CACHD1: variants seen among roughly 807,000 people sequenced by gnomAD.
CACHD1 encodes cache domain containing 1, also known as VWFA and cache domain-containing protein 1.
CACHD1 carries 71 observed loss-of-function variants against 138.7 expected under a neutral mutation model. The observed-to-expected ratio is 0.51, with a 90% CI of 0.42 to 0.62. CACHD1 has a LOEUF of 0.62. Among genes scored for constraint, CACHD1 ranks in the 20% least tolerant of loss-of-function variants. CACHD1 has a pLI of 0.00. For synonymous variants in CACHD1, 578 were observed against 591.5 expected, an observed-to-expected ratio of 0.98 and a Z score of 0.33; for missense variants, 1,389 against 1,625.3, an observed-to-expected ratio of 0.85 and a Z score of 2.50.
chr1:64,509,983 A>G (rs1387379849), intron 1 of CACHD1, among the ~76,000 whole-genome samples: 1 of 152,248 alleles, frequency 6.6e-6, no homozygotes, highest in African/African-American at 2.4e-5. Flanking sequence ...CCACATACAT[A>G]CATTTCACAT....
chr1:64,532,580 A>G (rs1333950615), intron 1 of CACHD1, among the ~76,000 whole-genome samples: 6 of 152,154 alleles, frequency 3.9e-5, no homozygotes, highest in Non-Finnish European at 8.8e-5. Flanking sequence ...TTGAGTGGCA[A>G]ACTGGAGGCC....
At position 64,512,393 on chromosome 1, in the gene CACHD1, C is replaced by CAAAAAAAA. The variant is rs551616431; in HGVS notation, c.199-38182_199-38175dup. 1.8e-4 allele frequency among the ~76,000 whole-genome samples: 14 copies of CAAAAAAAA among 78,624 alleles called. 1 individual carries two copies. The highest frequency in any genetic ancestry group is 6.4e-4 in the African/African-American group (10 of 15,556). 51.6% of individuals were successfully genotyped at this position (78,624 alleles called of 152,430 possible). A position where few individuals can be genotyped will look rare whatever the true frequency, so the allele number is the denominator to read the frequency against. ...TCGGTGACACAGTGAGACTGTGTCT[C>CAAAAAAAA]AAAAAAAAAAAAAAAAAAAAAAAAA... is the stretch of plus-strand genomic sequence containing the variant. On this transcript the variant is annotated intron_variant, in intron 1 of 26. Coordinates refer to ENST00000651257, the MANE Select transcript of CACHD1 (RefSeq NM_020925.4).
At chr1:64,636,605 G>T (rs1436050520) in intron 7 of CACHD1, among the ~76,000 whole-genome samples, 1 of 152,148 alleles carries the variant, frequency 6.6e-6, no homozygotes, top group Non-Finnish European at 1.5e-5. Context: ...CCTTGCAACT[G>T]TAAAACTCAT....
Position 64,675,457 on chromosome 1 carries a change from G to T in CACHD1, c.2784G>T (p.Arg928Ser). 6.2e-7 allele frequency: 1 copy of T among 1,613,662 alleles called. No homozygotes were observed. The highest frequency in any genetic ancestry group is 2.2e-5 in the East Asian group (1 of 44,874). ...ACTGTTCCAAATACAGATTAGCAAGGATCCCAGGAACCAACGCGTTTGTTG... is the reference window on the plus strand; with the variant it reads ...ACTGTTCCAAATACAGATTAGCAAGTATCCCAGGAACCAACGCGTTTGTTG... Reference protein sequence around the residue: ...GSHCSKYRLARIPGTNAFVGI... With the variant: ...GSHCSKYRLASIPGTNAFVGI... Residue 928 changes from arginine (R) to serine (S), a missense_variant, in exon 20 of 27, where the codon AGG becomes AGT. Arg to Ser is a moderately radical substitution (Grantham distance 110). Coordinates refer to ENST00000651257, the MANE Select transcript of CACHD1 (RefSeq NM_020925.4).
In CACHD1 at chr1:64,669,021, T is replaced by A. The variant is rs12039471; in HGVS notation, c.2388-2543T>A. Among the ~76,000 whole-genome samples, 1,463 of 152,122 alleles carry A rather than the reference T, an allele frequency of 9.6e-3. 20 individuals carry two copies. The highest frequency in any genetic ancestry group is 0.033 in the African/African-American group (1,367 of 41,468). ...GACTATAAACAAACTCCTTTTCACCTTTGTTTCCCCACTTAGGAAAGTGAG... is the reference window on the plus strand; with the variant it reads ...GACTATAAACAAACTCCTTTTCACCATTGTTTCCCCACTTAGGAAAGTGAG... On this transcript the variant is annotated intron_variant, in intron 16 of 26. Coordinates refer to ENST00000651257, the MANE Select transcript of CACHD1 (RefSeq NM_020925.4).
intron 26 of CACHD1, among the ~76,000 whole-genome samples, chr1:64,683,031 G>GA (rs935031601): frequency 1.8e-4 from 27 of 148,088 alleles, no homozygotes; most frequent in Middle Eastern, 3.2e-3. Context: ...ACCTATCCTG[G>GA]AAAAAAAAAG....
At chr1:64,638,001 G>A (rs1213741425) in intron 7 of CACHD1, among the ~76,000 whole-genome samples, 1 of 152,152 alleles carries the variant, frequency 6.6e-6, no homozygotes, top group African/African-American at 2.4e-5. Flanking sequence ...AAATGGAGGG[G>A]TGATAATATC....
Position 64,553,353 on chromosome 1 carries a change from C to T in CACHD1, c.261+2697C>T, listed in dbSNP as rs150924354. Among the ~76,000 whole-genome samples the T allele has an allele frequency of 1.2e-3, 187 of 152,274 alleles. 1 individual carries two copies. Among genetic ancestry groups the T allele is most frequent in the African/African-American group, 4.2e-3 (173 of 41,552 alleles). ...GCTTAGACATTCTAGACTCTGTGGTCCTGGACAGTACCCAGAATGAAATCT... is the reference window on the plus strand; with the variant it reads ...GCTTAGACATTCTAGACTCTGTGGTTCTGGACAGTACCCAGAATGAAATCT... On this transcript the variant is annotated intron_variant, in intron 2 of 26. Transcript: ENST00000651257.
intron 1 of CACHD1, among the ~76,000 whole-genome samples, chr1:64,511,616 C>G (rs760392008): frequency 5.9e-5 from 9 of 152,224 alleles, no homozygotes; most frequent in Admixed American, 1.3e-4. Flanking sequence ...CCGCTTCCCG[C>G]TACAATGATG....
chr1:64,646,911 GT>G (rs1381490792), intron 8 of CACHD1, among the ~76,000 whole-genome samples: 1 of 152,100 alleles, frequency 6.6e-6, no homozygotes, highest in Non-Finnish European at 1.5e-5. Flanking sequence ...TCATGGTTTG[GT>G]ATTGAAATCT....
chr1:64,650,631 A>G (rs975362323), intron 9 of CACHD1, among the ~76,000 whole-genome samples: 4 of 152,166 alleles, frequency 2.6e-5, no homozygotes, highest in Non-Finnish European at 4.4e-5. Flanking sequence ...TAGTTGGCCT[A>G]TGCAACCATA....
intron 26 of CACHD1, 99 bp downstream of exon 26, chr1:64,682,205 A>G: frequency 1.9e-6 from 2 of 1,040,058 alleles, no homozygotes; most frequent in Admixed American, 1.9e-5. Context: ...CCAAAAAGAC[A>G]CACCCCAGCA....
At chr1:64,482,248 ATT>A (rs1003471953) in intron 1 of CACHD1, among the ~76,000 whole-genome samples, 9 of 150,296 alleles carry the variant, frequency 6.0e-5, no homozygotes, top group South Asian at 2.1e-4. Flanking sequence ...ACTTCATGGG[ATT>A]TTTTTTTTCC....
rs370622869 is a variant in CACHD1 at position 64,664,698 on chromosome 1, C to G, written c.2276+19C>G. ...GACAATGGTGAGTTTTAGGGGCTTC[C>G]GTTATCAAAGGTTCTCCCCCAAATC... On this transcript the variant is annotated intron_variant, in intron 15 of 26. Transcript: ENST00000651257. 3 of 1,608,434 alleles carry G rather than the reference C, an allele frequency of 1.9e-6. No individual in the cohort carries two copies. The highest frequency in any genetic ancestry group is 2.6e-6 in the Non-Finnish European group (3 of 1,176,108).
Position 64,619,741 on chromosome 1 carries a change from G to A in CACHD1, c.518-9614G>A, listed in dbSNP as rs1166356962. Among the ~76,000 whole-genome samples, 7 of 152,178 alleles carry A rather than the reference G, an allele frequency of 4.6e-5. No individual in the cohort carries two copies. In the South Asian group the frequency reaches 1.0e-3, roughly 23 times the overall value. On this transcript the variant is annotated intron_variant, in intron 4 of 26. Coordinates refer to ENST00000651257, the MANE Select transcript of CACHD1 (RefSeq NM_020925.4). ...CCCAAAAGCAGAGGGCGTGATCCCC[G>A]CACTGTGCCTTACACGTAGTCAGGA...
chr1:64,606,208 A>G (rs1647335054), intron 4 of CACHD1, among the ~76,000 whole-genome samples: 1 of 152,096 alleles, frequency 6.6e-6, no homozygotes, highest in Admixed American at 6.6e-5. Context: ...TTAGAAGATG[A>G]TGAATGCTAT....
At chr1:64,684,363 C>A in intron 26 of CACHD1, among the ~76,000 whole-genome samples, 1 of 54,964 alleles carries the variant, frequency 1.8e-5, no homozygotes, top group Non-Finnish European at 3.5e-5. Flanking sequence ...TCTTCTTCTT[C>A]TTTTTTTTTT....
At chr1:64,688,147 C>T (rs1013409312) in intron 26 of CACHD1, among the ~76,000 whole-genome samples, 6 of 151,864 alleles carry the variant, frequency 4.0e-5, no homozygotes, top group Non-Finnish European at 8.8e-5. Context: ...TCTAACACCT[C>T]GAATGCTAAC....
At chr1:64,610,727 G>T (rs1229962607) in intron 4 of CACHD1, among the ~76,000 whole-genome samples, 1 of 152,216 alleles carries the variant, frequency 6.6e-6, no homozygotes, top group Non-Finnish European at 1.5e-5. Context: ...GGTGCACAGT[G>T]CAAGCTGTCA....
Sources: allele counts gnomAD v4.1 joint callset (sites outside exome capture counted in the v4.1 genomes callset), GRCh38; gene constraint gnomAD v4.1.1; transcripts MANE v1.5; gene names NCBI Gene and HGNC (gene_info 2026-07-23, HGNC 2026-07-21).